Variants in CDH13 observed in about 807,000 individuals in gnomAD.
CDH13 encodes cadherin-13.
A neutral mutation model predicts 63.8 loss-of-function variants in CDH13; 24 were observed. The ratio of observed to expected loss-of-function variants is 0.38; its 90% CI spans 0.27 to 0.53. CDH13 has a LOEUF of 0.53. CDH13 is among the 20% of genes least tolerant of loss of function. The probability of loss-of-function intolerance (pLI) is 0.85; values close to 1 mark genes in which losing one functional copy is unlikely to be tolerated. For synonymous variants in CDH13, 503 were observed against 355.3 expected (o/e 1.42, Z -4.67); for missense variants, 1,049 against 903.1 (o/e 1.16, Z -2.07).
At chr16:83,040,298 G>T (rs1490403518) in intron 3 of CDH13, among the ~76,000 whole-genome samples, 1 of 152,114 alleles carries the variant, frequency 6.6e-6, no homozygotes, top group East Asian at 1.9e-4. Flanking sequence ...AATATATGAA[G>T]GGGAGTTTAT....
chr16:82,658,264 G>A (rs975963691), intron 1 of CDH13, among the ~76,000 whole-genome samples: 10 of 152,212 alleles, frequency 6.6e-5, no homozygotes, highest in Non-Finnish European at 1.2e-4. Flanking sequence ...TGTGGGGCAG[G>A]TATTATGCTT....
intron 3 of CDH13, among the ~76,000 whole-genome samples, chr16:83,092,618 C>G (rs2033973037): frequency 6.6e-6 from 1 of 152,180 alleles, no homozygotes; most frequent in Non-Finnish European, 1.5e-5. Flanking sequence ...ATTACTACTT[C>G]TTTCTTTGCC....
intron 7 of CDH13, among the ~76,000 whole-genome samples, chr16:83,493,472 T>G (rs540176889): frequency 9.8e-5 from 15 of 152,328 alleles, no homozygotes; most frequent in South Asian, 8.3e-4. Context: ...AAAGCAGATA[T>G]GTCGACAGCA....
At chr16:83,065,996 C>T (rs1175827621) in intron 3 of CDH13, among the ~76,000 whole-genome samples, 1 of 152,190 alleles carries the variant, frequency 6.6e-6, no homozygotes, top group East Asian at 1.9e-4. Flanking sequence ...CACCTTCACT[C>T]CTGTGTGTTA....
rs188307398 is a variant in CDH13, at chr16:83,747,798, G to A, written c.1539-310G>A. On this transcript the variant is annotated intron_variant, in intron 10 of 13. Coordinates refer to ENST00000567109, the MANE Select transcript of CDH13 (RefSeq NM_001257.5). Reference sequence around the variant, plus strand: ...AGGTGTGAAAGAAACAAGACTGGACGTGGACTCAGGATTTGGGCTGTGAAT... The same window carrying A: ...AGGTGTGAAAGAAACAAGACTGGACATGGACTCAGGATTTGGGCTGTGAAT... Among the ~76,000 whole-genome samples, 25 of 150,054 alleles carry A rather than the reference G, an allele frequency of 1.7e-4. No homozygotes were observed. In the East Asian group the frequency reaches 4.1e-3, roughly 25 times the overall value.
chr16:83,152,758 C>T (rs1207297177), intron 4 of CDH13, among the ~76,000 whole-genome samples: 1 of 152,174 alleles, frequency 6.6e-6, no homozygotes, highest in African/African-American at 2.4e-5. Context: ...AACCTCTGGT[C>T]TCTCAGAATG....
intron 5 of CDH13, among the ~76,000 whole-genome samples, chr16:83,285,179 G>A (rs2089278457): frequency 6.6e-6 from 1 of 152,140 alleles, no homozygotes; most frequent in African/African-American, 2.4e-5. Context: ...GAGAGAAAAT[G>A]TTCTTATTAA....
chr16:82,634,273 T>C (rs1908382949), intron 1 of CDH13, among the ~76,000 whole-genome samples: 1 of 152,234 alleles, frequency 6.6e-6, no homozygotes, highest in African/African-American at 2.4e-5. Flanking sequence ...TTCAGGCCAA[T>C]GTCTCTTTCC....
At chr16:83,099,892 A>G (rs1243666382) in intron 3 of CDH13, among the ~76,000 whole-genome samples, 3 of 152,124 alleles carry the variant, frequency 2.0e-5, no homozygotes, top group Admixed American at 2.0e-4. Context: ...CTGCTGTTTT[A>G]TGCTTTCTTC....
chr16:82,722,694 C>T (rs978880133), intron 1 of CDH13, among the ~76,000 whole-genome samples: 3 of 152,172 alleles, frequency 2.0e-5, no homozygotes, highest in Admixed American at 6.5e-5. Context: ...GTACCTACTA[C>T]GAGCACCTGC....
At chr16:82,697,278 A>G (rs2030413006) in intron 1 of CDH13, among the ~76,000 whole-genome samples, 1 of 152,114 alleles carries the variant, frequency 6.6e-6, no homozygotes. Flanking sequence ...TGGTTTGGGT[A>G]AAGTTAATAG....
At chr16:83,085,915 G>A (rs370684738) in intron 3 of CDH13, among the ~76,000 whole-genome samples, 97 of 152,294 alleles carry the variant, frequency 6.4e-4, no homozygotes, top group African/African-American at 2.2e-3. Context: ...TATTAATTCA[G>A]AAGTGTTCTG....
At chr16:83,352,749 G>A (rs1311092557) in intron 6 of CDH13, among the ~76,000 whole-genome samples, 5 of 152,190 alleles carry the variant, frequency 3.3e-5, no homozygotes, top group Non-Finnish European at 5.9e-5. Flanking sequence ...AATTAGCCAG[G>A]TGCTGTGGCA....
chr16:83,080,871 G>GGTTTTTTTTTTTTT (rs2033183201), intron 3 of CDH13, among the ~76,000 whole-genome samples: 3 of 46,956 alleles, frequency 6.4e-5, no homozygotes, highest in African/African-American at 2.8e-4. Flanking sequence ...TTGTTTTTGT[G>GGTTTTTTTTTTTTT]TTTTTTTTTT....
Position 83,780,179 on chromosome 16 carries a change from C to T in CDH13, c.1893C>T (p.Val631=). ...ACAAACAAGCTGTTCCTGATAAAGT[C>T]TGGAAGATCTCCAAGATCAACAGTA... The part of the protein sequence containing the change: ...EIHKQAVPDK[V]WKISKINNTH... The change falls in exon 12 of 14, where the codon GTC becomes GTT. Residue 631 remains valine, a synonymous_variant. Transcript: ENST00000567109. 6.2e-7 allele frequency: 1 copy of T among 1,602,622 alleles called. No individual in the cohort carries two copies. Among genetic ancestry groups the T allele is most frequent in the Non-Finnish European group, 8.5e-7 (1 of 1,173,476 alleles).
At chr16:83,469,441 A>T (rs1399684021) in intron 6 of CDH13, among the ~76,000 whole-genome samples, 1 of 152,224 alleles carries the variant, frequency 6.6e-6, no homozygotes, top group Non-Finnish European at 1.5e-5. Flanking sequence ...ACAGTCATTC[A>T]TACAGGAAAA....
intron 1 of CDH13, among the ~76,000 whole-genome samples, chr16:82,711,626 G>C (rs980869310): frequency 9.2e-5 from 14 of 152,138 alleles, no homozygotes; most frequent in African/African-American, 2.2e-4. Flanking sequence ...ACATTGAGGG[G>C]CTCTCTTGGG....
At chr16:83,446,480 A>G (rs1005040992) in intron 6 of CDH13, among the ~76,000 whole-genome samples, 1 of 152,150 alleles carries the variant, frequency 6.6e-6, no homozygotes, top group African/African-American at 2.4e-5. Flanking sequence ...TTTATAAAAT[A>G]ATGTAAATTA....
At chr16:82,912,557 T>C (rs1362483791) in intron 2 of CDH13, among the ~76,000 whole-genome samples, 1 of 152,198 alleles carries the variant, frequency 6.6e-6, no homozygotes, top group African/African-American at 2.4e-5. Context: ...GTACATAAAA[T>C]AATGTGATTG....
Sources: gnomAD v4.1 joint callset for allele counts (sites outside exome capture counted in the v4.1 genomes callset) on GRCh38, gnomAD v4.1.1 for gene constraint, MANE v1.5 for transcripts, NCBI Gene and HGNC (gene_info 2026-07-23, HGNC 2026-07-21) for gene names.